RBM47: variants seen among roughly 807,000 people sequenced by gnomAD.
RBM47 encodes the protein RNA binding motif protein 47, also known as RNA-binding protein 47.
A neutral mutation model predicts 47.1 loss-of-function variants in RBM47; 21 were observed. That is an observed-to-expected ratio of 0.45 (90% CI 0.32 to 0.64). The LOEUF is 0.64. Among genes scored for constraint, RBM47 ranks in the 30% least tolerant of loss-of-function variants. The pLI, the probability that RBM47 is intolerant of heterozygous loss-of-function variation, is 0.05. For missense variants in RBM47, 708 were observed against 870.9 expected, an observed-to-expected ratio of 0.81 and a Z score of 2.35; for synonymous variants, 375 against 361.7, an observed-to-expected ratio of 1.04 and a Z score of -0.42.
In RBM47 at chr4:40,525,406, G is replaced by A. The variant is rs143648461; in HGVS notation, c.-155+19016C>T. 3.2e-3 allele frequency among the ~76,000 whole-genome samples: 481 copies of A among 152,312 alleles called. 2 individuals are homozygous for A. The highest frequency in any genetic ancestry group is 0.011 in the African/African-American group (458 of 41,580). Reference sequence around the variant, plus strand: ...CCAGGAGGCAGGGTTGCAGATCACAGAGTGAGACTGTCACAAACAAAGTGA... The same window carrying A: ...CCAGGAGGCAGGGTTGCAGATCACAAAGTGAGACTGTCACAAACAAAGTGA... On this transcript the variant is annotated intron_variant, in intron 2 of 6. Coordinates refer to ENST00000295971, the MANE Select transcript of RBM47 (RefSeq NM_001098634.2).
intron 2 of RBM47, among the ~76,000 whole-genome samples, chr4:40,468,557 T>C (rs1230814230): frequency 6.6e-6 from 1 of 152,216 alleles, no homozygotes; most frequent in Non-Finnish European, 1.5e-5. Context: ...TAGAGCACAG[T>C]TGGAAACCTT....
At position 40,438,373 on chromosome 4, in the gene RBM47, A is replaced by G. The variant is rs1713050187; in HGVS notation, c.521T>C (p.Val174Ala). The G allele has an allele frequency of 6.2e-7, 1 of 1,612,678 alleles. No individual in the cohort carries two copies. Among genetic ancestry groups the G allele is most frequent in the Non-Finnish European group, 8.5e-7 (1 of 1,179,972 alleles). Residue 174 changes from valine to alanine, a missense_variant, in exon 4 of 7, where the codon GTC (valine) becomes GCC (alanine). By Grantham distance (64) the Val-to-Ala change is moderately conservative (BLOSUM62 0). Coordinates refer to ENST00000295971, the MANE Select transcript of RBM47 (RefSeq NM_001098634.2). ...REEILEEIAK[V>A]TEGVLDVIVY... is the part of the protein sequence containing the mutation. The stretch of plus-strand genomic sequence containing the variant: ...GATCACGTCCAGCACGCCCTCGGTG[A>G]CCTTGGCAATCTCCTCCAGGATTTC...
chr4:40,498,054 TTATATATATATA>T (rs6148409), intron 2 of RBM47, among the ~76,000 whole-genome samples: 2,297 of 109,898 alleles, frequency 0.021, 122 homozygotes, highest in East Asian at 0.089. Flanking sequence ...AGTGCTTGTT[TTATATATATATA>T]TATATATATA....
intron 2 of RBM47, among the ~76,000 whole-genome samples, chr4:40,540,653 ATAAT>A (rs773495268): frequency 1.1e-3 from 94 of 89,382 alleles, no homozygotes; most frequent in African/African-American, 3.0e-3. Flanking sequence ...AAAAAAAAAA[ATAAT>A]AATAATAATA....
At chr4:40,532,382 G>A (rs1329103230) in intron 2 of RBM47, among the ~76,000 whole-genome samples, 2 of 135,920 alleles carry the variant, frequency 1.5e-5, no homozygotes, top group East Asian at 2.2e-4. Context: ...GCACGATCTC[G>A]GCTCATTACA....
At chr4:40,483,770 T>C (rs531214601) in intron 2 of RBM47, among the ~76,000 whole-genome samples, 2 of 152,284 alleles carry the variant, frequency 1.3e-5, no homozygotes, top group South Asian at 4.1e-4. Flanking sequence ...TAAAATTAGC[T>C]AAAATACTTA....
At chr4:40,577,799 A>T (rs1397384528) in intron 1 of RBM47, among the ~76,000 whole-genome samples, 1 of 152,158 alleles carries the variant, frequency 6.6e-6, no homozygotes, top group African/African-American at 2.4e-5. Flanking sequence ...GATTAGATAA[A>T]TGTGGTACCA....
intron 1 of RBM47, among the ~76,000 whole-genome samples, chr4:40,592,455 G>T (rs180671092): frequency 3.3e-4 from 47 of 141,632 alleles, no homozygotes; most frequent in Middle Eastern, 7.4e-3. Flanking sequence ...ACAGAGTTTC[G>T]CTCTTGTTGC....
chr4:40,588,430 A>G (rs1733801994), intron 1 of RBM47, among the ~76,000 whole-genome samples: 1 of 152,206 alleles, frequency 6.6e-6, no homozygotes, highest in Non-Finnish European at 1.5e-5. Context: ...TTCAAACTGA[A>G]CCTTTCCTCA....
intron 1 of RBM47, among the ~76,000 whole-genome samples, chr4:40,606,822 A>G (rs1346741969): frequency 6.6e-6 from 1 of 152,092 alleles, no homozygotes; most frequent in African/African-American, 2.4e-5. Context: ...TGAGCAACAC[A>G]GTGACACCTC....
chr4:40,590,070 C>T (rs771933120), intron 1 of RBM47, among the ~76,000 whole-genome samples: 4 of 152,084 alleles, frequency 2.6e-5, no homozygotes, highest in African/African-American at 4.8e-5. Context: ...TTTCCCCAAA[C>T]ATTAGGGACA....
At chr4:40,590,168 C>T (rs925640941) in intron 1 of RBM47, among the ~76,000 whole-genome samples, 1 of 152,136 alleles carries the variant, frequency 6.6e-6, no homozygotes, top group Non-Finnish European at 1.5e-5. Flanking sequence ...AGATGGAAAT[C>T]TAGACGTGTG....
At chr4:40,433,176 G>A (rs1368650122) in intron 5 of RBM47, among the ~76,000 whole-genome samples, 2 of 152,092 alleles carry the variant, frequency 1.3e-5, no homozygotes, top group Non-Finnish European at 2.9e-5. Flanking sequence ...GCCCAGGCTG[G>A]TCTTGAACTC....
chr4:40,585,905 A>C (rs1055090003), intron 1 of RBM47, among the ~76,000 whole-genome samples: 2 of 152,244 alleles, frequency 1.3e-5, no homozygotes, highest in African/African-American at 4.8e-5. Context: ...GGAACAGAGC[A>C]GAGTGGGCAT....
chr4:40,614,598 C>T (rs996100144), intron 1 of RBM47, among the ~76,000 whole-genome samples: 2 of 151,904 alleles, frequency 1.3e-5, no homozygotes, highest in East Asian at 1.9e-4. Flanking sequence ...CTCTGAGAGG[C>T]CAAAGGGGTA....
intron 1 of RBM47, among the ~76,000 whole-genome samples, chr4:40,569,318 T>C (rs1024156507): frequency 2.0e-5 from 3 of 151,882 alleles, no homozygotes; most frequent in Non-Finnish European, 4.4e-5. Flanking sequence ...GGCCGACAAC[T>C]GCCTTCTTAA....
At chr4:40,456,634 C>T (rs1420870863) in intron 3 of RBM47, among the ~76,000 whole-genome samples, 1 of 139,264 alleles carries the variant, frequency 7.2e-6, no homozygotes, top group Non-Finnish European at 1.5e-5. Flanking sequence ...GGCATGATCA[C>T]GGCTCACTGC....
intron 1 of RBM47, among the ~76,000 whole-genome samples, chr4:40,592,714 G>C (rs13107150): frequency 0.27 from 39,726 of 149,202 alleles, 5,762 homozygotes; most frequent in Admixed American, 0.35. Context: ...ATGAGCCACC[G>C]CGCCTGGCCA....
At position 40,625,309 on chromosome 4, in the gene RBM47, C is replaced by G. The variant is rs973840704; in HGVS notation, c.-240+4087G>C. Among the ~76,000 whole-genome samples the G allele has an allele frequency of 3.3e-5, 5 of 152,234 alleles. No homozygotes were observed. In the South Asian group the frequency reaches 1.0e-3, roughly 32 times the overall value. ...GAAACAACACCTGAAAAAACCCTGT[C>G]CATTTTGTACTTCTGTACTTTTTGT... On this transcript the variant is annotated intron_variant, in intron 1 of 6. Coordinates refer to ENST00000295971, the MANE Select transcript of RBM47 (RefSeq NM_001098634.2).
Sources: gnomAD v4.1 joint callset for allele counts (sites outside exome capture counted in the v4.1 genomes callset) on GRCh38, gnomAD v4.1.1 for gene constraint, MANE v1.5 for transcripts, NCBI Gene and HGNC (gene_info 2026-07-23, HGNC 2026-07-21) for gene names.